The following KLHL8 variants were observed in gnomAD, a reference collection of about 807,000 sequenced individuals.
KLHL8 encodes kelch like family member 8, also known as kelch-like protein 8.
KLHL8 carries 38 observed loss-of-function variants against 63.5 expected under a neutral mutation model. The ratio of observed to expected loss-of-function variants is 0.60; its 90% confidence interval spans 0.46 to 0.78. The LOEUF is 0.78. Among genes scored for constraint, KLHL8 ranks in the 30% least tolerant of loss-of-function variants. KLHL8 has a pLI of 0.00. For synonymous variants in KLHL8, 224 were observed against 254.3 expected, an observed-to-expected ratio of 0.88 and a Z score of 1.13; for missense variants, 566 against 752.4, an observed-to-expected ratio of 0.75 and a Z score of 2.90.
chr4:87,168,422 A>G (rs1730488315), intron 8 of KLHL8, among the ~76,000 whole-genome samples: 1 of 152,110 alleles, frequency 6.6e-6, no homozygotes, highest in African/African-American at 2.4e-5. Flanking sequence ...AGGGATGTGA[A>G]CTGAGTCTTG....
chr4:87,199,869 G>A (rs559928448), intron 1 of KLHL8, among the ~76,000 whole-genome samples: 20 of 151,834 alleles, frequency 1.3e-4, no homozygotes, highest in African/African-American at 4.6e-4. Flanking sequence ...AAACATGCCA[G>A]GTGTGGTGGC....
At position 87,178,632 on chromosome 4, in the gene KLHL8, G is replaced by C; in HGVS notation, c.953-12C>G. 1 of 1,520,602 alleles carries C rather than the reference G, an allele frequency of 6.6e-7. No individual in the cohort carries two copies. Among genetic ancestry groups the C allele is most frequent in the Admixed American group, 2.4e-5 (1 of 41,648 alleles). The allele number at this position is 1,520,602 out of a possible 1,614,324, so 94.2% of individuals were successfully genotyped here. On this transcript the variant is annotated splice_polypyrimidine_tract_variant and intron_variant, in intron 4 of 9. Transcript: ENST00000273963. Reference sequence around the variant, plus strand: ...ACAAAACAGCACACCTAAAGGTAAAGCCACAAAATAGAGATAAATCATAGC... The same window carrying C: ...ACAAAACAGCACACCTAAAGGTAAACCCACAAAATAGAGATAAATCATAGC...
chr4:87,189,621 C>T (rs967444907), intron 2 of KLHL8, among the ~76,000 whole-genome samples: 8 of 152,026 alleles, frequency 5.3e-5, no homozygotes, highest in Admixed American at 3.3e-4. Flanking sequence ...TGCTCGAGCC[C>T]GCTCCCACTC....
Position 87,170,059 on chromosome 4 carries a change from A to G in KLHL8, c.1537+20T>C, listed in dbSNP as rs756196374. On this transcript the variant is annotated intron_variant, in intron 8 of 9. Transcript: ENST00000273963. Reference sequence around the variant, plus strand: ...GTCATTGTATATACTGATATATTAGAGAAATACCCATTTACTCACCAACTA... The same window carrying G: ...GTCATTGTATATACTGATATATTAGGGAAATACCCATTTACTCACCAACTA... The G allele has an allele frequency of 2.5e-6, 4 of 1,597,220 alleles. No homozygotes were observed. The highest frequency in any genetic ancestry group is 2.2e-5 in the East Asian group (1 of 44,796).
intron 1 of KLHL8, among the ~76,000 whole-genome samples, chr4:87,235,126 C>G (rs556649213): frequency 6.6e-5 from 10 of 152,258 alleles, no homozygotes; most frequent in African/African-American, 1.9e-4. Flanking sequence ...TGTAGCCTGA[C>G]TGTACAGTGT....
At chr4:87,230,199 G>T (rs1733110848) in intron 1 of KLHL8, among the ~76,000 whole-genome samples, 1 of 152,132 alleles carries the variant, frequency 6.6e-6, no homozygotes, top group African/African-American at 2.4e-5. Flanking sequence ...CTTGACTAAG[G>T]TCTTGACAAA....
intron 8 of KLHL8, among the ~76,000 whole-genome samples, chr4:87,166,197 T>C (rs1181402835): frequency 6.6e-6 from 1 of 152,244 alleles, no homozygotes; most frequent in Admixed American, 6.5e-5. Context: ...TACAGAGCTG[T>C]TGTGATAATC....
At chr4:87,192,075 C>T (rs935879595) in intron 2 of KLHL8, among the ~76,000 whole-genome samples, 3 of 152,090 alleles carry the variant, frequency 2.0e-5, no homozygotes, top group Admixed American at 6.5e-5. Flanking sequence ...AATGAACATG[C>T]GGGTATATGT....
At chr4:87,191,800 C>A (rs1389411856) in intron 2 of KLHL8, among the ~76,000 whole-genome samples, 1 of 151,052 alleles carries the variant, frequency 6.6e-6, no homozygotes, top group African/African-American at 2.4e-5. Flanking sequence ...CACTATTTTT[C>A]CCATTTTCAT....
At chr4:87,186,196 G>A (rs1731248193) in intron 2 of KLHL8, among the ~76,000 whole-genome samples, 1 of 151,754 alleles carries the variant, frequency 6.6e-6, no homozygotes, top group South Asian at 2.1e-4. Flanking sequence ...GCACCACCAC[G>A]CCTGGCTAAT....
Position 87,235,033 on chromosome 4 carries a change from T to C in KLHL8, n.57+5225A>G, listed in dbSNP as rs529851040. On this transcript the variant is annotated intron_variant and non_coding_transcript_variant, in intron 1 of 1. Coordinates refer to the KLHL8 transcript ENST00000506274. The stretch of plus-strand genomic sequence containing the variant: ...TCTAAAGTTTATAAAGTTTATAAAG[T>C]AAAATAATTACAGTAAGCTAGGGTT... 2.6e-3 allele frequency among the ~76,000 whole-genome samples: 402 copies of C among 152,326 alleles called. 1 individual carries two copies. The highest frequency in any genetic ancestry group is 0.025 in the South Asian group (121 of 4,824).
At chr4:87,164,392 T>G (rs545053718) in intron 8 of KLHL8, among the ~76,000 whole-genome samples, 1 of 151,990 alleles carries the variant, frequency 6.6e-6, no homozygotes, top group African/African-American at 2.4e-5. Context: ...AACACAAACA[T>G]TCATAAATTT....
At chr4:87,180,980 G>A (rs894408770) in intron 4 of KLHL8, among the ~76,000 whole-genome samples, 16 of 152,090 alleles carry the variant, frequency 1.1e-4, no homozygotes, top group African/African-American at 3.6e-4. Flanking sequence ...AAGGCACAGT[G>A]AGCTGTGATT....
At chr4:87,224,798 A>G (rs1430180260), upstream of KLHL8, among the ~76,000 whole-genome samples, 6 of 152,182 alleles carry the variant, frequency 3.9e-5, no homozygotes, top group Non-Finnish European at 1.5e-5. Context: ...TTAATAAATT[A>G]ATGACAGTTC....
intron 4 of KLHL8, among the ~76,000 whole-genome samples, 191 bp downstream of exon 4, chr4:87,183,012 T>A (rs1476768450): frequency 6.6e-6 from 1 of 152,162 alleles, no homozygotes; most frequent in Non-Finnish European, 1.5e-5. Flanking sequence ...TACGGCTTTT[T>A]AAAAAACTGG....
chr4:87,212,629 A>C (rs1560715565), intron 1 of KLHL8, among the ~76,000 whole-genome samples: 1 of 152,192 alleles, frequency 6.6e-6, no homozygotes, highest in Admixed American at 6.5e-5. Context: ...CAGTCTTTAC[A>C]GTCATGTGCT....
At chr4:87,217,685 C>CGAGA (rs931548597) in intron 1 of KLHL8, among the ~76,000 whole-genome samples, 6 of 145,764 alleles carry the variant, frequency 4.1e-5, no homozygotes, top group Admixed American at 1.4e-4. Flanking sequence ...AGAAAGGTCT[C>CGAGA]ACTTTGTTGC....
intron 1 of KLHL8, among the ~76,000 whole-genome samples, chr4:87,231,710 C>T: frequency 6.6e-6 from 1 of 152,158 alleles, no homozygotes; most frequent in East Asian, 1.9e-4. Context: ...GATTCTCCTG[C>T]CTCAGCTTCC....
chr4:87,208,274 T>C (rs1732237819), intron 1 of KLHL8, among the ~76,000 whole-genome samples: 1 of 151,750 alleles, frequency 6.6e-6, no homozygotes, highest in Non-Finnish European at 1.5e-5. Flanking sequence ...ATTAATAAAG[T>C]CCCCTATGCT....
Sources: gnomAD v4.1 joint callset for allele counts (sites outside exome capture counted in the v4.1 genomes callset) on GRCh38, gnomAD v4.1.1 for gene constraint, MANE v1.5 for transcripts, NCBI Gene and HGNC (gene_info 2026-07-23, HGNC 2026-07-21) for gene names.